The following KIF26B variants were observed in gnomAD, a reference collection of about 807,000 sequenced individuals.
The protein encoded by KIF26B is kinesin-like protein KIF26B.
KIF26B carries 63 observed loss-of-function variants against 151.2 expected under a neutral mutation model. That is an observed-to-expected ratio of 0.42 (90% CI 0.34 to 0.51). The LOEUF (loss-of-function observed/expected upper bound fraction) is 0.51. Among genes scored for constraint, KIF26B ranks in the 20% least tolerant of loss-of-function variants. KIF26B has a pLI of 0.07. For synonymous variants in KIF26B, 1,357 were observed against 1,262.1 expected, an observed-to-expected ratio of 1.08 and a Z score of -1.59; for missense variants, 2,813 against 2,913.6, an observed-to-expected ratio of 0.97 and a Z score of 0.79.
intron 2 of KIF26B, among the ~76,000 whole-genome samples, chr1:245,364,422 CTT>C (rs763619030): frequency 0.064 from 6,322 of 98,256 alleles, 315 homozygotes; most frequent in African/African-American, 0.23. Flanking sequence ...CTCTCTCTCT[CTT>C]TTTTTTTTTT....
intron 2 of KIF26B, among the ~76,000 whole-genome samples, chr1:245,204,456 A>G (rs6428905): frequency 0.89 from 134,516 of 151,720 alleles, 59,716 homozygotes; most frequent in East Asian, 0.92. Context: ...TCACCGCAAC[A>G]TCCATCTCCC....
intron 4 of KIF26B, among the ~76,000 whole-genome samples, chr1:245,447,474 C>T (rs1332057366): frequency 6.6e-6 from 1 of 152,000 alleles, no homozygotes; most frequent in Non-Finnish European, 1.5e-5. Flanking sequence ...AAAGATGGAG[C>T]CTTTAGGAGG....
chr1:245,690,748 G>GT (rs980264616), intron 12 of KIF26B, among the ~76,000 whole-genome samples: 2 of 151,750 alleles, frequency 1.3e-5, no homozygotes, highest in South Asian at 2.1e-4. Context: ...CCTGGGGGGG[G>GT]GGTATGCTTC....
At chr1:245,590,785 G>A (rs186216602) in intron 5 of KIF26B, among the ~76,000 whole-genome samples, 8 of 152,068 alleles carry the variant, frequency 5.3e-5, no homozygotes, top group Non-Finnish European at 1.2e-4. Context: ...GTATGTGTGC[G>A]TCATCCTAGC....
chr1:245,328,370 A>G (rs570280933), intron 2 of KIF26B, among the ~76,000 whole-genome samples: 18 of 152,340 alleles, frequency 1.2e-4, no homozygotes, highest in African/African-American at 4.3e-4. Context: ...TAGATCTCTA[A>G]TATAGGCCAA....
At chr1:245,173,498 C>A (rs74153106) in intron 2 of KIF26B, among the ~76,000 whole-genome samples, 8,904 of 152,202 alleles carry the variant, frequency 0.059, 525 homozygotes, top group African/African-American at 0.16. Context: ...AATCTGGCCA[C>A]CAGAGACTCC....
rs373149795 is a variant in KIF26B, at chr1:245,707,275, A to C, written c.*4669A>C. The C allele has an allele frequency of 6.6e-6, 1 of 152,140 alleles. No individual in the cohort carries two copies. The highest frequency in any genetic ancestry group is 2.4e-5 in the African/African-American group (1 of 41,418). The allele number at this position is 152,140 out of a possible 1,614,324, so 9.4% of individuals were successfully genotyped here. The stretch of plus-strand genomic sequence containing the variant: ...AAGCCTTCATTGCATACAAACCTTA[A>C]TCTCTAAGCATAGTTGTTCCCAAGG... On this transcript the variant is annotated 3_prime_UTR_variant, in exon 15 of 15. Coordinates refer to ENST00000407071, the MANE Select transcript of KIF26B (RefSeq NM_018012.4).
intron 10 of KIF26B, among the ~76,000 whole-genome samples, chr1:245,664,061 TA>T (rs2044185713): frequency 6.6e-6 from 1 of 152,184 alleles, no homozygotes; most frequent in African/African-American, 2.4e-5. Flanking sequence ...ACAATGCATT[TA>T]CTAAGACTTA....
intron 4 of KIF26B, among the ~76,000 whole-genome samples, chr1:245,443,486 C>T (rs1327413877): frequency 9.9e-6 from 1 of 101,450 alleles, no homozygotes; most frequent in African/African-American, 3.3e-5. Context: ...CACTGTTCAT[C>T]TAGAGGAGAG....
intron 4 of KIF26B, among the ~76,000 whole-genome samples, chr1:245,468,738 C>A (rs1659846447): frequency 6.6e-6 from 1 of 152,032 alleles, no homozygotes; most frequent in Non-Finnish European, 1.5e-5. Flanking sequence ...AGTGACATTT[C>A]TCTTTATTAT....
At chr1:245,504,402 C>A (rs1311008071) in intron 4 of KIF26B, among the ~76,000 whole-genome samples, 2 of 134,934 alleles carry the variant, frequency 1.5e-5, no homozygotes, top group African/African-American at 5.4e-5. Flanking sequence ...CTCCTTCCCT[C>A]CCTCCCTTCA....
chr1:245,267,581 G>A (rs181636662), intron 2 of KIF26B, among the ~76,000 whole-genome samples: 52 of 148,292 alleles, frequency 3.5e-4, no homozygotes, highest in African/African-American at 1.2e-3. Context: ...GCTCAGCCAC[G>A]TATTAAGCCA....
At chr1:245,557,332 C>A (rs1455407096) in intron 5 of KIF26B, among the ~76,000 whole-genome samples, 1 of 152,218 alleles carries the variant, frequency 6.6e-6, no homozygotes, top group Non-Finnish European at 1.5e-5. Context: ...GGATGTGGAG[C>A]TGGAATGAAG....
At chr1:245,485,070 A>T (rs575166032) in intron 4 of KIF26B, among the ~76,000 whole-genome samples, 9 of 152,352 alleles carry the variant, frequency 5.9e-5, no homozygotes, top group Non-Finnish European at 1.2e-4. Flanking sequence ...GACACATGCT[A>T]CAACATGGAT....
intron 2 of KIF26B, among the ~76,000 whole-genome samples, chr1:245,287,778 C>T (rs1671192625): frequency 6.6e-6 from 1 of 152,186 alleles, no homozygotes. Flanking sequence ...GCTGGGATTA[C>T]AGGCGTGAGG....
chr1:245,276,293 C>T (rs926111848), intron 2 of KIF26B, among the ~76,000 whole-genome samples: 4 of 151,980 alleles, frequency 2.6e-5, no homozygotes, highest in African/African-American at 7.2e-5. Context: ...TGAGATTGCA[C>T]CCCTGCACTC....
intron 4 of KIF26B, among the ~76,000 whole-genome samples, chr1:245,459,195 A>G (rs1373138799): frequency 6.6e-6 from 1 of 152,170 alleles, no homozygotes. Flanking sequence ...CTGACACACT[A>G]ATTATAGCTT....
chr1:245,274,292 G>C (rs1312692642), intron 2 of KIF26B, among the ~76,000 whole-genome samples: 1 of 151,846 alleles, frequency 6.6e-6, no homozygotes, highest in Non-Finnish European at 1.5e-5. Context: ...TGTTTCATAG[G>C]TATACACATG....
At chr1:245,422,990 T>C (rs979388855) in intron 4 of KIF26B, among the ~76,000 whole-genome samples, 1 of 151,286 alleles carries the variant, frequency 6.6e-6, no homozygotes, top group Non-Finnish European at 1.5e-5. Flanking sequence ...TCCCAGCTAC[T>C]TGGGAGGCTA....
Sources: gnomAD v4.1 joint callset for allele counts (sites outside exome capture counted in the v4.1 genomes callset) on GRCh38, gnomAD v4.1.1 for gene constraint, MANE v1.5 for transcripts, NCBI Gene and HGNC (gene_info 2026-07-23, HGNC 2026-07-21) for gene names.